CPSF6: variants seen among roughly 807,000 people sequenced by gnomAD.
The protein encoded by CPSF6 is cleavage and polyadenylation specific factor 6.
Under a neutral mutation model 56.7 loss-of-function variants are expected in CPSF6, and 10 were observed. The ratio of observed to expected loss-of-function variants is 0.18; its 90% confidence interval spans 0.11 to 0.30. CPSF6 has a LOEUF of 0.30. CPSF6 is among the 10% of genes least tolerant of loss of function. The pLI is 1.00. For synonymous variants in CPSF6, 248 were observed against 244.8 expected (o/e 1.01, Z -0.12); for missense variants, 419 against 722.9 (o/e 0.58, Z 4.82).
intron 1 of CPSF6, among the ~76,000 whole-genome samples, chr12:69,241,605 C>G (rs1349084339): frequency 6.6e-6 from 1 of 152,094 alleles, no homozygotes; most frequent in East Asian, 1.9e-4. Flanking sequence ...CTCCCTTATC[C>G]GGATAGCTGG....
In CPSF6 at chr12:69,273,573, C is replaced by A. The variant is rs937754682; in HGVS notation, c.*4065C>A. 1 of 151,876 alleles carries A rather than the reference C, an allele frequency of 6.6e-6. No individual in the cohort carries two copies. The highest frequency in any genetic ancestry group is 6.6e-5 in the Admixed American group (1 of 15,254). 9.4% of individuals were successfully genotyped at this position (151,876 alleles called of 1,614,324 possible). On this transcript the variant is annotated 3_prime_UTR_variant, in exon 10 of 10. Transcript: ENST00000435070. The stretch of plus-strand genomic sequence containing the variant: ...ACATTAATTTCATAATTGGACAGAC[C>A]CTGCATTTAGCGAAAACATTTTGTT...
At chr12:69,264,228 G>A (rs1291422836) in intron 9 of CPSF6, among the ~76,000 whole-genome samples, 1 of 151,998 alleles carries the variant, frequency 6.6e-6, no homozygotes, top group African/African-American at 2.4e-5. Flanking sequence ...TACAGGTTCT[G>A]TAAGTTACCT....
rs776780080 is a variant in CPSF6, at chr12:69,239,601, A to G, written c.-46A>G. 2 of 1,529,608 alleles carry G rather than the reference A, an allele frequency of 1.3e-6. No individual in the cohort carries two copies. Among genetic ancestry groups the G allele is most frequent in the South Asian group, 1.2e-5 (1 of 81,286 alleles). 94.8% of individuals were successfully genotyped at this position (1,529,608 alleles called of 1,614,324 possible). ...CCGCTGCTGCTGCCGCGGCGGGCAG[A>G]CCTGCAGGAGGCGGCGGCGGCGGCG... On this transcript the variant is annotated 5_prime_UTR_variant, in exon 1 of 10. Transcript: ENST00000435070.
chr12:69,240,464 T>G (rs1227581925), intron 1 of CPSF6, among the ~76,000 whole-genome samples: 3 of 152,098 alleles, frequency 2.0e-5, no homozygotes, highest in Non-Finnish European at 2.9e-5. Context: ...AGCCCAGTCG[T>G]TGTTGGCCTT....
chr12:69,256,915 A>G, intron 4 of CPSF6, 73 bp downstream of exon 4: 1 of 1,308,126 alleles, frequency 7.6e-7, no homozygotes, highest in Non-Finnish European at 1.1e-6. Context: ...GTTATACTAG[A>G]GAAGTCATCT....
chr12:69,265,163 A>G (rs1262477805), intron 9 of CPSF6, among the ~76,000 whole-genome samples: 1 of 152,180 alleles, frequency 6.6e-6, no homozygotes, highest in East Asian at 1.9e-4. Context: ...AAAAGTATTC[A>G]ATATCTAAGT....
chr12:69,245,560 G>A (rs1439024195), intron 1 of CPSF6, among the ~76,000 whole-genome samples: 1 of 152,100 alleles, frequency 6.6e-6, no homozygotes, highest in African/African-American at 2.4e-5. Flanking sequence ...ACACTGACAG[G>A]TCCTATATTG....
At chr12:69,250,982 T>C (rs952694235) in intron 1 of CPSF6, 147 bp from the exon 2 acceptor site, 30 of 765,962 alleles carry the variant, frequency 3.9e-5, no homozygotes, top group Non-Finnish European at 5.7e-5. Flanking sequence ...AGAATACATC[T>C]ATTGCATAAA....
At chr12:69,247,911 T>C (rs1247997393) in intron 1 of CPSF6, among the ~76,000 whole-genome samples, 2 of 152,208 alleles carry the variant, frequency 1.3e-5, no homozygotes. Flanking sequence ...ATGTATACCA[T>C]TGGGGCTAAG....
chr12:69,255,846 C>T (rs1872486273), intron 3 of CPSF6, among the ~76,000 whole-genome samples: 1 of 152,126 alleles, frequency 6.6e-6, no homozygotes, highest in Non-Finnish European at 1.5e-5. Context: ...CTCTCCACAT[C>T]TTTAATACTT....
intron 2 of CPSF6, 96 bp from the exon 3 acceptor site, chr12:69,252,955 T>G (rs771957076): frequency 2.8e-6 from 2 of 710,474 alleles, no homozygotes; most frequent in Non-Finnish European, 4.7e-6. Flanking sequence ...ATTTATTTTC[T>G]CTTTTATGTC....
At chr12:69,251,395 G>A in intron 2 of CPSF6, 57 bp downstream of exon 2, 1 of 1,114,336 alleles carries the variant, frequency 9.0e-7, no homozygotes, top group Non-Finnish European at 1.3e-6. Context: ...AACTGCTCTA[G>A]TAATTAATGT....
chr12:69,253,245 T>C (rs1291128528), intron 3 of CPSF6, 91 bp downstream of exon 3: 2 of 597,060 alleles, frequency 3.3e-6, no homozygotes, highest in Non-Finnish European at 5.9e-6. Flanking sequence ...TAATTACACA[T>C]GTATACACAT....
At chr12:69,241,494 A>G (rs1871616091) in intron 1 of CPSF6, among the ~76,000 whole-genome samples, 1 of 152,210 alleles carries the variant, frequency 6.6e-6, no homozygotes, top group Non-Finnish European at 1.5e-5. Context: ...TCTATGCACA[A>G]TAAAAGAAGA....
At chr12:69,246,335 A>G (rs1419759301) in intron 1 of CPSF6, among the ~76,000 whole-genome samples, 3 of 152,260 alleles carry the variant, frequency 2.0e-5, no homozygotes, top group African/African-American at 7.2e-5. Context: ...TTTACTAGAA[A>G]ACCATCTGAA....
intron 8 of CPSF6, among the ~76,000 whole-genome samples, chr12:69,261,184 TC>T (rs1872727519): frequency 6.6e-6 from 1 of 152,212 alleles, no homozygotes; most frequent in Non-Finnish European, 1.5e-5. Context: ...TTTGACATGG[TC>T]CCCAGTTTTG....
chr12:69,255,674 G>C (rs780837656), intron 3 of CPSF6, among the ~76,000 whole-genome samples: 1 of 152,058 alleles, frequency 6.6e-6, no homozygotes, highest in Non-Finnish European at 1.5e-5. Flanking sequence ...CCCAGCGTGG[G>C]ACTACAGGCA....
Position 69,258,524 on chromosome 12 carries a change from A to C in CPSF6, c.695-66A>C, listed in dbSNP as rs1049173895. ...TATGCGTTTAAAGTATAATCTTGGCATATAAAAGTTAAAATATCTTATTAG... is the reference window on the plus strand; with the variant it reads ...TATGCGTTTAAAGTATAATCTTGGCCTATAAAAGTTAAAATATCTTATTAG... On this transcript the variant is annotated intron_variant, in intron 5 of 9. Transcript: ENST00000435070. This position sits in a 1 kb window ranked among gnomAD's most constrained non-coding sequence, Gnocchi z 4.2. 1 of 1,477,646 alleles carries C rather than the reference A, an allele frequency of 6.8e-7. No homozygotes were observed. The highest frequency in any genetic ancestry group is 1.4e-5 in the African/African-American group (1 of 70,352). 91.5% of individuals were successfully genotyped at this position (1,477,646 alleles called of 1,614,324 possible). A position where few individuals can be genotyped will look rare whatever the true frequency, so the allele number is the denominator to read the frequency against.
intron 9 of CPSF6, among the ~76,000 whole-genome samples, chr12:69,269,108 T>A (rs1663380225): frequency 6.6e-6 from 1 of 151,862 alleles, no homozygotes; most frequent in African/African-American, 2.4e-5. Context: ...GTTAAATGAG[T>A]TTATAGACTT....
Sources: gnomAD v4.1 joint callset for allele counts (sites outside exome capture counted in the v4.1 genomes callset) on GRCh38, gnomAD v4.1.1 for gene constraint, Gnocchi (gnomAD v3.1) non-coding constraint, MANE v1.5 for transcripts, NCBI Gene and HGNC (gene_info 2026-07-23, HGNC 2026-07-21) for gene names.